Variants in ELMO2 observed in about 807,000 individuals in gnomAD.
The protein encoded by ELMO2 is engulfment and cell motility protein 2.
A neutral mutation model predicts 96.2 loss-of-function variants in ELMO2; 37 were observed. The observed-to-expected ratio is 0.38, with a 90% confidence interval of 0.30 to 0.51. The LOEUF is 0.51. Among genes scored for constraint, ELMO2 ranks in the 20% least tolerant of loss-of-function variants. The probability of loss-of-function intolerance (pLI) is 0.88; values close to 1 mark genes in which losing one functional copy is unlikely to be tolerated. For synonymous variants in ELMO2, 315 were observed against 329.4 expected, an observed-to-expected ratio of 0.96 and a Z score of 0.47; for missense variants, 561 against 912.6, an observed-to-expected ratio of 0.61 and a Z score of 4.96.
intron 2 of ELMO2, among the ~76,000 whole-genome samples, chr20:46,397,650 G>A (rs1223735819): frequency 1.3e-5 from 2 of 152,150 alleles, no homozygotes; most frequent in Admixed American, 6.6e-5. Flanking sequence ...CAGCCTGGGC[G>A]ACGGAATGAG....
chr20:46,384,872 T>G (rs992419307), intron 9 of ELMO2, among the ~76,000 whole-genome samples: 1 of 150,496 alleles, frequency 6.6e-6, no homozygotes, highest in Non-Finnish European at 1.5e-5. Context: ...GAGGCTGAGA[T>G]GGGGAGGATC....
At chr20:46,400,862 A>C (rs1416220611) in intron 1 of ELMO2, among the ~76,000 whole-genome samples, 1 of 152,160 alleles carries the variant, frequency 6.6e-6, no homozygotes, top group African/African-American at 2.4e-5. Flanking sequence ...TTTATCAATC[A>C]CCCATGCAGT....
chr20:46,395,350 G>A (rs1178866200), intron 2 of ELMO2, among the ~76,000 whole-genome samples: 2 of 152,206 alleles, frequency 1.3e-5, no homozygotes. Flanking sequence ...ATTCCAAGCA[G>A]TAACTAAAGC....
Position 46,375,800 on chromosome 20 carries a change from G to A in ELMO2, c.808-10C>T. On this transcript the variant is annotated splice_polypyrimidine_tract_variant and intron_variant, in intron 11 of 21. Transcript: ENST00000290246. This position sits in a 1 kb window ranked among gnomAD's most constrained non-coding sequence, Gnocchi z 4.6. ...TCCCTCGGATCACATGCTAGAAAAA[G>A]CACAGGCAGGGAGCAGGGGACTGAA... 6.2e-7 allele frequency: 1 copy of A among 1,614,150 alleles called. No individual in the cohort carries two copies. Among genetic ancestry groups the A allele is most frequent in the Non-Finnish European group, 8.5e-7 (1 of 1,179,998 alleles).
Position 46,367,232 on chromosome 20 carries a change from G to T in ELMO2, c.*128C>A. 2 of 899,320 alleles carry T rather than the reference G, an allele frequency of 2.2e-6. No homozygotes were observed. The highest frequency in any genetic ancestry group is 3.2e-6 in the Non-Finnish European group (2 of 632,676). 55.7% of individuals were successfully genotyped at this position (899,320 alleles called of 1,614,324 possible). On this transcript the variant is annotated 3_prime_UTR_variant, in exon 22 of 22. Transcript: ENST00000290246. Reference sequence around the variant, plus strand: ...TGGTCCGAGGTGGGTTTGAGAAATGGCTGGCATTTACTGGCCACCAAAATC... The same window carrying T: ...TGGTCCGAGGTGGGTTTGAGAAATGTCTGGCATTTACTGGCCACCAAAATC...
chr20:46,397,823 T>TA (rs972859290), intron 2 of ELMO2, among the ~76,000 whole-genome samples: 10 of 152,064 alleles, frequency 6.6e-5, no homozygotes, highest in Admixed American at 1.3e-4. Context: ...ATATGGAGAA[T>TA]AAAAAACCAA....
At chr20:46,373,666 TG>T (rs1165667767) in intron 15 of ELMO2, 131 bp from the exon 16 acceptor site, 5 of 1,155,276 alleles carry the variant, frequency 4.3e-6, no homozygotes, top group Non-Finnish European at 6.1e-6. Context: ...ACAGGGAGCG[TG>T]GGATGGGCGT....
chr20:46,401,915 T>G (rs1378085619), intron 1 of ELMO2, among the ~76,000 whole-genome samples: 1 of 152,194 alleles, frequency 6.6e-6, no homozygotes, highest in Admixed American at 6.5e-5. Flanking sequence ...CCTACTGATT[T>G]ATAATTCTCT....
intron 5 of ELMO2, 123 bp from the exon 6 acceptor site, chr20:46,393,266 G>T (rs879151789): frequency 4.9e-6 from 5 of 1,020,860 alleles, no homozygotes; most frequent in South Asian, 2.8e-5. Context: ...ATCTTCAGTC[G>T]GGCCCTCTTC....
At chr20:46,386,430 A>C (rs2060045587) in intron 8 of ELMO2, among the ~76,000 whole-genome samples, 155 bp from the exon 9 acceptor site, 1 of 152,260 alleles carries the variant, frequency 6.6e-6, no homozygotes, top group South Asian at 2.1e-4. Context: ...TACCCTGGCC[A>C]ATGTGCCAGG....
At chr20:46,376,620 C>T in intron 11 of ELMO2, 2 of 1,289,270 alleles carry the variant, frequency 1.6e-6, no homozygotes, top group South Asian at 2.5e-5. Flanking sequence ...ACATTCCTGT[C>T]TCTCACCATC....
In ELMO2 at chr20:46,375,501, ACAG is replaced by A. The variant is rs2059841316; in HGVS notation, c.931-134_931-132del. The A allele has an allele frequency of 2.6e-5, 39 of 1,478,152 alleles. No homozygotes were observed. Among genetic ancestry groups the A allele is most frequent in the Non-Finnish European group, 3.4e-5 (37 of 1,091,902 alleles). 91.6% of individuals were successfully genotyped at this position (1,478,152 alleles called of 1,614,324 possible). A position where few individuals can be genotyped will look rare whatever the true frequency, so the allele number is the denominator to read the frequency against. On this transcript the variant is annotated intron_variant, in intron 12 of 21. Coordinates refer to ENST00000290246, the MANE Select transcript of ELMO2 (RefSeq NM_133171.5). The surrounding 1 kb of genome is among the most constrained non-coding windows in gnomAD (Gnocchi z 4.6). ...TCCCTTAGGAGGCATCACCTCTACC[ACAG>A]CAGGACAGAAATGGGCTTGGCTCAT...
At chr20:46,403,023 T>G (rs1471920547) in intron 1 of ELMO2, among the ~76,000 whole-genome samples, 1 of 152,206 alleles carries the variant, frequency 6.6e-6, no homozygotes, top group African/African-American at 2.4e-5. Context: ...GGGATTAGCA[T>G]CAACTCTACC....
At chr20:46,394,908 G>T (rs2060218125) in intron 2 of ELMO2, among the ~76,000 whole-genome samples, 1 of 152,170 alleles carries the variant, frequency 6.6e-6, no homozygotes, top group Non-Finnish European at 1.5e-5. Flanking sequence ...GCCTTTTCTT[G>T]GTTGAGTGGT....
chr20:46,397,118 CTCTT>C (rs1448508390), intron 2 of ELMO2, among the ~76,000 whole-genome samples: 2 of 152,202 alleles, frequency 1.3e-5, no homozygotes, highest in Middle Eastern at 3.2e-3. Context: ...GATTGACTCT[CTCTT>C]TATTAAAGTT....
Position 46,370,501 on chromosome 20 carries a change from A to G in ELMO2, c.1826T>C (p.Ile609Thr), listed in dbSNP as rs2059681205. ...EKIPVADIKA[I>T]VTGKDCPHMK... is the part of the protein sequence containing the mutation. ...GTGGGGACAATCTTTCCCAGTGACAATGGCCTTAATGTCTGCAACAGGAAC... is the reference window on the plus strand; with the variant it reads ...GTGGGGACAATCTTTCCCAGTGACAGTGGCCTTAATGTCTGCAACAGGAAC... Residue 609 changes from isoleucine (I) to threonine (T), a missense_variant, in exon 20 of 22, where the codon ATT (isoleucine) becomes ACT (threonine). By Grantham distance (89) the Ile-to-Thr change is moderately conservative. Transcript: ENST00000290246. 1.2e-6 allele frequency: 2 copies of G among 1,614,150 alleles called. No individual in the cohort carries two copies. Among genetic ancestry groups the G allele is most frequent in the Non-Finnish European group, 1.7e-6 (2 of 1,180,014 alleles).
At chr20:46,384,810 A>AT (rs1378046989) in intron 9 of ELMO2, among the ~76,000 whole-genome samples, 1 of 151,864 alleles carries the variant, frequency 6.6e-6, no homozygotes, top group East Asian at 1.9e-4. Context: ...ATAAAAAAAA[A>AT]AAAAAAACTA....
In ELMO2 at chr20:46,371,964, C is replaced by G. The variant is rs2059725396; in HGVS notation, c.1422G>C (p.Met474Ile). Residue 474 changes from methionine (M) to isoleucine (I), a missense_variant, in exon 17 of 22, where the codon ATG (methionine) becomes ATC (isoleucine). Transcript: ENST00000290246. This position sits in a 1 kb window ranked among gnomAD's most constrained non-coding sequence, Gnocchi z 5.9. ...RATAEDFNKV[M>I]QVVREQITRA... is the part of the protein sequence containing the mutation. ...GAGTGATTTGCTCTCGGACGACTTG[C>G]ATAACCTAAGAGGAGAAGAACCCAG... The G allele has an allele frequency of 3.1e-6, 5 of 1,613,658 alleles. No homozygotes were observed. The highest frequency in any genetic ancestry group is 4.2e-6 in the Non-Finnish European group (5 of 1,180,024).
chr20:46,403,568 A>C (rs916702864), intron 1 of ELMO2, among the ~76,000 whole-genome samples: 2 of 152,228 alleles, frequency 1.3e-5, no homozygotes, highest in African/African-American at 4.8e-5. Context: ...AGCTTGGCCA[A>C]GACAGCCACT....
Sources: gnomAD v4.1 joint callset for allele counts (sites outside exome capture counted in the v4.1 genomes callset) on GRCh38, gnomAD v4.1.1 for gene constraint, Gnocchi (gnomAD v3.1) non-coding constraint, MANE v1.5 for transcripts, NCBI Gene and HGNC (gene_info 2026-07-23, HGNC 2026-07-21) for gene names.